The following SLC9D1 variants were observed in gnomAD, a reference collection of about 807,000 sequenced individuals.
SLC9D1 encodes the protein solute carrier family 9 member D1, also known as putative LAG1-interacting protein.
chr13:113,494,480 G>A, the SLC9D1 span, among the ~76,000 whole-genome samples: 6 of 152,086 alleles, frequency 3.9e-5, no homozygotes, highest in Middle Eastern at 3.2e-3. Flanking sequence ...GGCTACAGCC[G>A]CACTGAAACC....
the SLC9D1 span, chr13:113,549,340 C>G: frequency 6.7e-7 from 1 of 1,481,790 alleles, no homozygotes; most frequent in Non-Finnish European, 9.2e-7. Context: ...TCCCTCCCAG[C>G]TCAGTGAGAC....
At chr13:113,501,712 T>C in the SLC9D1 span, 1 of 1,563,250 alleles carries the variant, frequency 6.4e-7, no homozygotes, top group South Asian at 1.1e-5. Flanking sequence ...CTTACCACTG[T>C]TATCTTATAC....
At chr13:113,518,589 TG>T in the SLC9D1 span, among the ~76,000 whole-genome samples, 1 of 152,176 alleles carries the variant, frequency 6.6e-6, no homozygotes, top group East Asian at 1.9e-4. Context: ...AGATGTGGGG[TG>T]GCCGTGGCTC....
chr13:113,510,265 T>C, the SLC9D1 span: 1 of 1,614,218 alleles, frequency 6.2e-7, no homozygotes, highest in Non-Finnish European at 8.5e-7. Flanking sequence ...ACAAGGGCCG[T>C]GTTACATGAC....
At chr13:113,507,066 C>A in the SLC9D1 span, among the ~76,000 whole-genome samples, 1 of 152,054 alleles carries the variant, frequency 6.6e-6, no homozygotes, top group Admixed American at 6.6e-5. Flanking sequence ...AAACTCCTTG[C>A]TGACATCTGA....
chr13:113,507,749 A>T, the SLC9D1 span, among the ~76,000 whole-genome samples: 19 of 152,186 alleles, frequency 1.2e-4, no homozygotes, highest in Non-Finnish European at 2.2e-4. Flanking sequence ...TCTGTCTTGT[A>T]TCTTCTCTGT....
the SLC9D1 span, among the ~76,000 whole-genome samples, chr13:113,520,345 G>A: frequency 3.3e-5 from 5 of 152,028 alleles, no homozygotes; most frequent in African/African-American, 7.2e-5. Context: ...TTAGCCAGGC[G>A]TGATGGCAGG....
At chr13:113,520,021 G>A in the SLC9D1 span, among the ~76,000 whole-genome samples, 20 of 152,206 alleles carry the variant, frequency 1.3e-4, no homozygotes, top group African/African-American at 4.6e-4. Flanking sequence ...GATTATCCAA[G>A]CCTGTCATCT....
At chr13:113,545,364 T>G in the SLC9D1 span, among the ~76,000 whole-genome samples, 3 of 152,226 alleles carry the variant, frequency 2.0e-5, no homozygotes, top group Admixed American at 2.0e-4. Context: ...AACCCAAGAC[T>G]TGAGCCCAGA....
chr13:113,499,585 G>A, the SLC9D1 span, among the ~76,000 whole-genome samples: 1 of 152,128 alleles, frequency 6.6e-6, no homozygotes, highest in South Asian at 2.1e-4. Flanking sequence ...AATTGACTGT[G>A]GGTCTTGAGG....
chr13:113,521,289 G>A, the SLC9D1 span, among the ~76,000 whole-genome samples: 1 of 151,672 alleles, frequency 6.6e-6, no homozygotes, highest in Non-Finnish European at 1.5e-5. Flanking sequence ...GTATCCACGT[G>A]TGCGTATGTG....
At chr13:113,502,833 C>A in the SLC9D1 span, among the ~76,000 whole-genome samples, 248 of 152,298 alleles carry the variant, frequency 1.6e-3, 1 homozygote, top group African/African-American at 5.6e-3. Context: ...GCCCAGGAGC[C>A]CCAGGGCTTT....
At chr13:113,524,112 T>C in the SLC9D1 span, 1 of 449,548 alleles carries the variant, frequency 2.2e-6, no homozygotes, top group Non-Finnish European at 4.4e-6. Flanking sequence ...GAGTTTTTTT[T>C]AATATATGTC....
At chr13:113,536,886 G>A in the SLC9D1 span, among the ~76,000 whole-genome samples, 2 of 152,208 alleles carry the variant, frequency 1.3e-5, no homozygotes, top group Admixed American at 6.5e-5. Flanking sequence ...TAGCCATGAC[G>A]TGGGTTTCCC....
chr13:113,536,161 T>C, the SLC9D1 span, among the ~76,000 whole-genome samples: 2 of 152,234 alleles, frequency 1.3e-5, no homozygotes, highest in Non-Finnish European at 2.9e-5. Context: ...GTAGATCTTC[T>C]GAGGTCAGGA....
chr13:113,548,424 C>A, the SLC9D1 span: 1 of 1,611,118 alleles, frequency 6.2e-7, no homozygotes, highest in Non-Finnish European at 8.5e-7. Context: ...GGGAGCCGGG[C>A]GCGAAGAGCG....
At chr13:113,514,494 A>C in the SLC9D1 span, 2 of 149,484 alleles carry the variant, frequency 1.3e-5, no homozygotes, top group Middle Eastern at 3.5e-3. Flanking sequence ...CGCCATCCAC[A>C]CAAGCCTGCT....
At chr13:113,522,023 G>A in the SLC9D1 span, among the ~76,000 whole-genome samples, 5 of 152,116 alleles carry the variant, frequency 3.3e-5, no homozygotes, top group Non-Finnish European at 5.9e-5. Context: ...GACCTGTCTC[G>A]TGTGCTTTAT....
At chr13:113,504,714 A>C in the SLC9D1 span, 1 of 152,084 alleles carries the variant, frequency 6.6e-6, no homozygotes, top group Non-Finnish European at 1.5e-5. Context: ...TAAATACCAC[A>C]TTTTCTATTG....
Sources: allele counts gnomAD v4.1 joint callset (sites outside exome capture counted in the v4.1 genomes callset), GRCh38; gene constraint gnomAD v4.1.1; transcripts MANE v1.5; gene names NCBI Gene and HGNC (gene_info 2026-07-23, HGNC 2026-07-21).